Variants in B4GALNT2 observed in about 807,000 individuals in gnomAD.
B4GALNT2 encodes N-acetylneuraminylgalactosylglucosyl-glucoside beta-1,4-N- acetylgalactosaminyltransferase 2.
B4GALNT2 carries 42 observed loss-of-function variants against 51.1 expected under a neutral mutation model. That is an observed-to-expected ratio of 0.82 (90% CI 0.64 to 1.06). The LOEUF (loss-of-function observed/expected upper bound fraction) is 1.06. Among genes scored for constraint, B4GALNT2 ranks in the 50% least tolerant of loss-of-function variants. The pLI is 0.00. For missense variants in B4GALNT2, 602 were observed against 633.6 expected (o/e 0.95, Z 0.54); for synonymous variants, 253 against 251.7 (o/e 1.01, Z -0.05).
intron 6 of B4GALNT2, among the ~76,000 whole-genome samples, chr17:49,159,898 TG>T (rs35663316): frequency 6.6e-6 from 1 of 152,126 alleles, no homozygotes. Context: ...CATCTTGTCT[TG>T]GGCACTAATA....
At position 49,168,667 on chromosome 17, in the gene B4GALNT2, T is replaced by A. The variant is rs2042932276; in HGVS notation, c.1096-14T>A. 3 of 1,610,944 alleles carry A rather than the reference T, an allele frequency of 1.9e-6. No individual in the cohort carries two copies. The East Asian group carries it at 6.7e-5, about 36-fold the overall frequency. On this transcript the variant is annotated splice_polypyrimidine_tract_variant and intron_variant, in intron 9 of 10. Coordinates refer to ENST00000393354, the MANE Select transcript of B4GALNT2 (RefSeq NM_001159387.2). The stretch of plus-strand genomic sequence containing the variant: ...ATCTGCACTCTAACATGGATTTCTC[T>A]GCCTGCTGGCTAGGTAGGCGGCAGT...
In B4GALNT2 at chr17:49,159,152, T is replaced by G; in HGVS notation, c.614T>G (p.Leu205Trp). 5 of 1,614,184 alleles carry G rather than the reference T, an allele frequency of 3.1e-6. No homozygotes were observed. The highest frequency in any genetic ancestry group is 4.2e-6 in the Non-Finnish European group (5 of 1,180,036). Residue 205 changes from leucine to tryptophan, a missense_variant, in exon 6 of 11, where the codon TTG becomes TGG. Transcript: ENST00000393354. ...ATTTCTACCAGTGACCGGAAGCTGTTGAAGTTCATTCTTCAGCACGTGACA... is the reference window on the plus strand; with the variant it reads ...ATTTCTACCAGTGACCGGAAGCTGTGGAAGTTCATTCTTCAGCACGTGACA... Reference protein sequence around the residue: ...LIISTSDRKLLKFILQHVTYT... With the variant: ...LIISTSDRKLWKFILQHVTYT...
chr17:49,120,472 G>GTT, the B4GALNT2 span, among the ~76,000 whole-genome samples: 1 of 102,554 alleles, frequency 9.8e-6, no homozygotes, highest in Non-Finnish European at 2.1e-5. Context: ...TTTTGTGTGT[G>GTT]TGTGTGTGTG....
chr17:49,143,866 G>A (rs906678185), intron 3 of B4GALNT2, among the ~76,000 whole-genome samples: 1 of 152,074 alleles, frequency 6.6e-6, no homozygotes, highest in African/African-American at 2.4e-5. Flanking sequence ...CCAGTCCCTT[G>A]GTTGGGCATG....
intron 5 of B4GALNT2, 128 bp from the exon 6 acceptor site, chr17:49,158,895 TACACTGTCAAGGGC>T (rs1355068415): frequency 2.1e-6 from 2 of 969,210 alleles, no homozygotes; most frequent in Non-Finnish European, 3.1e-6. Context: ...GAGCCAGCCC[TACACTGTCAAGGGC>T]ACCCTGGTGC....
At chr17:49,146,421 C>T (rs1346998871) in intron 3 of B4GALNT2, among the ~76,000 whole-genome samples, 1 of 152,342 alleles carries the variant, frequency 6.6e-6, no homozygotes, top group East Asian at 1.9e-4. Flanking sequence ...AGCAATTCTT[C>T]TGGCTTAGCC....
intron 1 of B4GALNT2, chr17:49,133,310 G>A (rs2042558551): frequency 1.4e-6 from 2 of 1,385,596 alleles, no homozygotes. Context: ...GCGGAGTCAG[G>A]GAAAAGTCGG....
In B4GALNT2 at chr17:49,173,561, C is replaced by A. The variant is rs1448516612; in HGVS notation, c.*3833C>A. 1 of 152,210 alleles carries A rather than the reference C, an allele frequency of 6.6e-6. No individual in the cohort carries two copies. The highest frequency in any genetic ancestry group is 1.5e-5 in the Non-Finnish European group (1 of 68,030). The allele number at this position is 152,210 out of a possible 1,614,324, so 9.4% of individuals were successfully genotyped here. On this transcript the variant is annotated 3_prime_UTR_variant, in exon 11 of 11. Transcript: ENST00000393354. ...GGAAAATGATTATCAAGAATACCCA[C>A]AAAGTCAGCTAAATGGGTTTGCCAG...
intron 6 of B4GALNT2, among the ~76,000 whole-genome samples, chr17:49,159,906 A>G (rs932972372): frequency 2.6e-5 from 4 of 152,114 alleles, no homozygotes; most frequent in African/African-American, 9.7e-5. Context: ...CTTGGGCACT[A>G]ATAGGAAAGA....
intron 4 of B4GALNT2, among the ~76,000 whole-genome samples, chr17:49,155,039 G>A (rs1432287320): frequency 6.6e-6 from 1 of 152,172 alleles, no homozygotes; most frequent in Non-Finnish European, 1.5e-5. Context: ...GCTGGGTGCA[G>A]TGGCTCTTGC....
At position 49,144,377 on chromosome 17, in the gene B4GALNT2, C is replaced by T. The variant is rs1026777054; in HGVS notation, c.353+2205C>T. Among the ~76,000 whole-genome samples the T allele has an allele frequency of 4.6e-5, 7 of 152,264 alleles. No homozygotes were observed. The South Asian group carries it at 8.3e-4, about 18-fold the overall frequency. ...CTCCCCAGAAGACAGATGGAGGCAC[C>T]GTCTCCATCAGGAGGTGTTGAAAGC... On this transcript the variant is annotated intron_variant, in intron 3 of 10. Transcript: ENST00000393354.
At position 49,152,783 on chromosome 17, in the gene B4GALNT2, T is replaced by C; in HGVS notation, c.354-17T>C. ...GCATCAGGGCAGCTGCTGACGTTTC[T>C]GTTCTCCTTCCTGCAGAGAAGGGCT... On this transcript the variant is annotated splice_polypyrimidine_tract_variant and intron_variant, in intron 3 of 10. Coordinates refer to ENST00000393354, the MANE Select transcript of B4GALNT2 (RefSeq NM_001159387.2). 7.7e-6 allele frequency: 12 copies of C among 1,555,308 alleles called. No homozygotes were observed. Among genetic ancestry groups the C allele is most frequent in the Non-Finnish European group, 9.6e-6 (11 of 1,145,006 alleles).
intron 3 of B4GALNT2, among the ~76,000 whole-genome samples, chr17:49,147,301 C>T (rs991241099): frequency 6.6e-6 from 1 of 152,000 alleles, no homozygotes; most frequent in Non-Finnish European, 1.5e-5. Context: ...ATGTGTAATG[C>T]TCCTCTAAGA....
rs760358504 is a variant in B4GALNT2, at chr17:49,142,105, T to G, written c.286T>G (p.Tyr96Asp). The change falls in exon 3 of 11, where the codon TAT becomes GAT. Residue 96 changes from tyrosine to aspartate, a missense_variant. Tyr to Asp is a radical substitution (Grantham distance 160). Coordinates refer to ENST00000393354, the MANE Select transcript of B4GALNT2 (RefSeq NM_001159387.2). ...EQGGYNFQDA[Y>D]GQSDLPAVKA... ...GGGAGGTTACAACTTTCAGGATGCC[T>G]ATGGCCAGAGCGACCTCCCAGCGGT... The G allele has an allele frequency of 8.7e-6, 14 of 1,614,116 alleles. No homozygotes were observed. In the South Asian group the frequency reaches 1.2e-4, roughly 14 times the overall value.
At chr17:49,162,658 C>T (rs2042875104) in intron 7 of B4GALNT2, among the ~76,000 whole-genome samples, 1 of 152,018 alleles carries the variant, frequency 6.6e-6, no homozygotes, top group African/African-American at 2.4e-5. Context: ...CCTGTAATCC[C>T]AGCACTTTGG....
rs1351818628 is a variant in B4GALNT2 at position 49,156,154 on chromosome 17, CA to C, written c.461-410del. 2.6e-5 allele frequency among the ~76,000 whole-genome samples: 4 copies of C among 152,136 alleles called. No individual in the cohort carries two copies. The East Asian group carries it at 7.7e-4, about 29-fold the overall frequency. On this transcript the variant is annotated intron_variant, in intron 4 of 10. Coordinates refer to ENST00000393354, the MANE Select transcript of B4GALNT2 (RefSeq NM_001159387.2). ...TCCCAACTGAAACTCTGTACCCATCCAACTGAATTCCCCACTGTCCCTCTCC... is the reference window on the plus strand; with the variant it reads ...TCCCAACTGAAACTCTGTACCCATCCACTGAATTCCCCACTGTCCCTCTCC...
chr17:49,152,474 G>A (rs895892710), intron 3 of B4GALNT2, among the ~76,000 whole-genome samples: 3 of 152,140 alleles, frequency 2.0e-5, no homozygotes, highest in Non-Finnish European at 4.4e-5. Flanking sequence ...AGGAGTTCAA[G>A]ACCAGCCTAG....
chr17:49,163,982 C>G, intron 7 of B4GALNT2, 106 bp from the exon 8 acceptor site: 1 of 1,123,516 alleles, frequency 8.9e-7, no homozygotes, highest in Non-Finnish European at 1.3e-6. Context: ...ATGAGACCCA[C>G]AGACACTGAC....
At position 49,168,795 on chromosome 17, in the gene B4GALNT2, C is replaced by A; in HGVS notation, c.1210C>A (p.Pro404Thr). The A allele has an allele frequency of 6.2e-7, 1 of 1,614,058 alleles. No homozygotes were observed. The highest frequency in any genetic ancestry group is 1.1e-5 in the South Asian group (1 of 91,068). Residue 404 changes from proline to threonine, a missense_variant, in exon 10 of 11, where the codon CCC becomes ACC. By Grantham distance (38) the Pro-to-Thr change is conservative (BLOSUM62 -1). Transcript: ENST00000393354. Reference protein sequence around the residue: ...MGFFQPLDGFPSCVVTSGVVN... With the variant: ...MGFFQPLDGFTSCVVTSGVVN... Reference sequence around the variant, plus strand: ...ATTTTTCCAACCCCTGGATGGCTTCCCCAGCTGCGTGGTGACCAGTGGCGT... The same window carrying A: ...ATTTTTCCAACCCCTGGATGGCTTCACCAGCTGCGTGGTGACCAGTGGCGT...
Sources: gnomAD v4.1 joint callset for allele counts (sites outside exome capture counted in the v4.1 genomes callset) on GRCh38, gnomAD v4.1.1 for gene constraint, MANE v1.5 for transcripts, NCBI Gene and HGNC (gene_info 2026-07-23, HGNC 2026-07-21) for gene names.